ABCG2: variants seen among roughly 807,000 people sequenced by gnomAD.
ABCG2 encodes the protein ATP binding cassette subfamily G member 2 (JR blood group), also known as broad substrate specificity ATP-binding cassette transporter ABCG2.
A neutral mutation model predicts 73.5 loss-of-function variants in ABCG2; 80 were observed. The observed-to-expected ratio is 1.09, with a 90% CI of 0.91 to 1.31. The LOEUF is 1.31. ABCG2 is among the 50% of genes most tolerant of loss of function. ABCG2 has a pLI of 0.00. For synonymous variants in ABCG2, 269 were observed against 282.4 expected (o/e 0.95, Z 0.48); for missense variants, 796 against 786.2 (o/e 1.01, Z -0.15).
At chr4:88,128,127 T>G (rs1724565903) in intron 5 of ABCG2, among the ~76,000 whole-genome samples, 1 of 152,104 alleles carries the variant, frequency 6.6e-6, no homozygotes, top group African/African-American at 2.4e-5. Context: ...GAACAGACAC[T>G]TCTCAAAAGA....
chr4:88,194,299 T>C (rs926730728), intron 1 of ABCG2, among the ~76,000 whole-genome samples: 5 of 151,166 alleles, frequency 3.3e-5, no homozygotes, highest in South Asian at 2.1e-4. Context: ...GCCTGTAATC[T>C]CAGCACTTTG....
intron 1 of ABCG2, among the ~76,000 whole-genome samples, chr4:88,226,048 C>T (rs1311348422): frequency 6.6e-6 from 1 of 152,102 alleles, no homozygotes; most frequent in Non-Finnish European, 1.5e-5. Flanking sequence ...ATGGGAGCTA[C>T]AATTCAAAAA....
At position 88,149,626 on chromosome 4, in the gene ABCG2, C is replaced by T. The variant is rs563879046; in HGVS notation, c.-20+8760G>A. Among the ~76,000 whole-genome samples, 3 of 151,080 alleles carry T rather than the reference C, an allele frequency of 2.0e-5. No homozygotes were observed. In the East Asian group the frequency reaches 6.0e-4, roughly 30 times the overall value. ...CAGCACTTTGGGAGGCCGAGGCAGG[C>T]GGATCACATGAGGTCGGGAGTTCGA... On this transcript the variant is annotated intron_variant, in intron 1 of 15. Transcript: ENST00000237612.
chr4:88,124,157 A>G (rs2110026762), intron 5 of ABCG2, among the ~76,000 whole-genome samples: 1 of 152,348 alleles, frequency 6.6e-6, no homozygotes, highest in East Asian at 1.9e-4. Flanking sequence ...AGAGTTCCTC[A>G]AGGAAGCACT....
At chr4:88,216,087 C>T (rs112365261) in intron 1 of ABCG2, among the ~76,000 whole-genome samples, 4 of 152,246 alleles carry the variant, frequency 2.6e-5, no homozygotes, top group African/African-American at 4.8e-5. Flanking sequence ...TACACTTAGG[C>T]GAGACTGTTA....
chr4:88,199,525 G>A (rs1208241325), intron 1 of ABCG2, among the ~76,000 whole-genome samples: 1 of 152,058 alleles, frequency 6.6e-6, no homozygotes, highest in African/African-American at 2.4e-5. Context: ...AACCATGCAA[G>A]CAGGAAGAGA....
At chr4:88,133,063 T>A (rs1024578923) in intron 2 of ABCG2, among the ~76,000 whole-genome samples, 4 of 152,226 alleles carry the variant, frequency 2.6e-5, no homozygotes, top group Admixed American at 2.6e-4. Flanking sequence ...CATTCAACAT[T>A]TAACGTTCCT....
chr4:88,093,733 T>A (rs1721804634), intron 15 of ABCG2, among the ~76,000 whole-genome samples: 1 of 152,148 alleles, frequency 6.6e-6, no homozygotes, highest in Non-Finnish European at 1.5e-5. Flanking sequence ...TTTGTCCTGT[T>A]ATTCAGAATT....
intron 9 of ABCG2, among the ~76,000 whole-genome samples, chr4:88,108,521 T>C (rs1023674526): frequency 6.6e-6 from 1 of 152,064 alleles, no homozygotes; most frequent in African/African-American, 2.4e-5. Flanking sequence ...GACAGAGCGA[T>C]ACTGTCTCAA....
chr4:88,109,280 G>A (rs1028702773), intron 9 of ABCG2, among the ~76,000 whole-genome samples: 4 of 152,146 alleles, frequency 2.6e-5, no homozygotes, highest in African/African-American at 7.2e-5. Flanking sequence ...TTACATGCAT[G>A]AGCCACCATG....
At chr4:88,221,767 A>T (rs894761793) in intron 1 of ABCG2, among the ~76,000 whole-genome samples, 3 of 152,144 alleles carry the variant, frequency 2.0e-5, no homozygotes, top group African/African-American at 7.2e-5. Flanking sequence ...GGTGGAAGAA[A>T]TTTTTAAGCA....
chr4:88,227,946 C>T (rs1260150290), intron 1 of ABCG2, among the ~76,000 whole-genome samples: 3 of 152,162 alleles, frequency 2.0e-5, no homozygotes, highest in Non-Finnish European at 4.4e-5. Flanking sequence ...AATCCCAGCA[C>T]ACCCACAGAC....
chr4:88,179,529 A>G (rs1728148137), intron 1 of ABCG2, among the ~76,000 whole-genome samples: 2 of 152,226 alleles, frequency 1.3e-5, no homozygotes, highest in African/African-American at 4.8e-5. Context: ...AAAACCATCC[A>G]GGAAAACATG....
chr4:88,140,600 C>T (rs752163269), intron 1 of ABCG2, among the ~76,000 whole-genome samples: 6 of 151,362 alleles, frequency 4.0e-5, no homozygotes, highest in Non-Finnish European at 5.9e-5. Context: ...CCAGCCTGAG[C>T]GATAGAGCGA....
intron 1 of ABCG2, among the ~76,000 whole-genome samples, chr4:88,177,631 A>G (rs1311780553): frequency 1.3e-5 from 2 of 152,108 alleles, no homozygotes; most frequent in African/African-American, 4.8e-5. Context: ...CGATCATAGT[A>G]TGGGTTTTAA....
At chr4:88,137,012 C>CAATAAAAAATAAAATAAAATAA (rs1725293117) in intron 2 of ABCG2, among the ~76,000 whole-genome samples, 1 of 123,414 alleles carries the variant, frequency 8.1e-6, no homozygotes, top group Admixed American at 9.2e-5. Flanking sequence ...ACCTCCATCT[C>CAATAAAAAATAAAATAAAATAA]AATAAAATAA....
chr4:88,132,993 T>C (rs1351864626), intron 2 of ABCG2, among the ~76,000 whole-genome samples: 1 of 152,200 alleles, frequency 6.6e-6, no homozygotes, highest in African/African-American at 2.4e-5. Context: ...AAAAATGGCA[T>C]AGATTCCTCT....
At chr4:88,154,200 C>G (rs191127984) in intron 1 of ABCG2, among the ~76,000 whole-genome samples, 2 of 152,178 alleles carry the variant, frequency 1.3e-5, no homozygotes, top group Non-Finnish European at 2.9e-5. Flanking sequence ...GCTAACTTAT[C>G]AGCATAAGCA....
intron 1 of ABCG2, among the ~76,000 whole-genome samples, chr4:88,214,561 A>G (rs942367003): frequency 3.9e-5 from 6 of 152,096 alleles, no homozygotes; most frequent in African/African-American, 1.4e-4. Context: ...GACAGAATCT[A>G]TATACTAAGA....
Sources: gnomAD v4.1 joint callset for allele counts (sites outside exome capture counted in the v4.1 genomes callset) on GRCh38, gnomAD v4.1.1 for gene constraint, MANE v1.5 for transcripts, NCBI Gene and HGNC (gene_info 2026-07-23, HGNC 2026-07-21) for gene names.